PDE3A: variants seen among roughly 807,000 people sequenced by gnomAD.
The protein encoded by PDE3A is phosphodiesterase 3A, also known as cGMP-inhibited 3',5'-cyclic phosphodiesterase 3A.
Under a neutral mutation model 98.3 loss-of-function variants are expected in PDE3A, and 43 were observed. The ratio of observed to expected loss-of-function variants is 0.44; its 90% CI spans 0.34 to 0.56. The LOEUF is 0.56. Among genes scored for constraint, PDE3A ranks in the 20% least tolerant of loss-of-function variants. The pLI is 0.01. For missense variants in PDE3A, 1,427 were observed against 1,440.7 expected (o/e 0.99, Z 0.15); for synonymous variants, 663 against 567.9 (o/e 1.17, Z -2.38).
Position 20,485,985 on chromosome 12 carries a change from G to A in PDE3A, c.961-70675G>A, listed in dbSNP as rs180755297. Among the ~76,000 whole-genome samples the A allele has an allele frequency of 2.6e-5, 4 of 152,260 alleles. No individual in the cohort carries two copies. The East Asian group carries it at 7.7e-4, about 29-fold the overall frequency. On this transcript the variant is annotated intron_variant, in intron 1 of 15. Coordinates refer to ENST00000359062, the MANE Select transcript of PDE3A (RefSeq NM_000921.5). ...TTTGGATGCCACGGCTTGAGGTTTTGTTAATATTTTAGTGTTTCTCCTAAT... is the reference window on the plus strand; with the variant it reads ...TTTGGATGCCACGGCTTGAGGTTTTATTAATATTTTAGTGTTTCTCCTAAT...
intron 7 of PDE3A, 25 bp from the exon 8 acceptor site, chr12:20,634,877 A>T: frequency 6.3e-7 from 1 of 1,583,776 alleles, no homozygotes; most frequent in Non-Finnish European, 8.7e-7. Flanking sequence ...AGATCTTGTA[A>T]TAAGTTGTTC....
At chr12:20,551,408 C>A (rs1202102678) in intron 1 of PDE3A, among the ~76,000 whole-genome samples, 2 of 151,810 alleles carry the variant, frequency 1.3e-5, no homozygotes, top group African/African-American at 2.4e-5. Context: ...AAAAAAAAGT[C>A]TTTAAAAAAA....
chr12:20,400,048 C>T (rs775475032), intron 1 of PDE3A, among the ~76,000 whole-genome samples: 3 of 152,110 alleles, frequency 2.0e-5, no homozygotes, highest in Non-Finnish European at 4.4e-5. Context: ...TCCATTAGCC[C>T]TGTCGTGTTT....
At chr12:20,444,243 A>G (rs1944916955) in intron 1 of PDE3A, among the ~76,000 whole-genome samples, 1 of 151,986 alleles carries the variant, frequency 6.6e-6, no homozygotes, top group Admixed American at 6.6e-5. Context: ...TGCTTTCTTT[A>G]TCCCTGCTCT....
At position 20,682,450 on chromosome 12, in the gene PDE3A, G is replaced by A. The variant is rs1269331437; in HGVS notation, c.*2179G>A. The A allele has an allele frequency of 2.0e-5, 3 of 152,052 alleles. No individual in the cohort carries two copies. Among genetic ancestry groups the A allele is most frequent in the Non-Finnish European group, 2.9e-5 (2 of 67,996 alleles). 9.4% of individuals were successfully genotyped at this position (152,052 alleles called of 1,614,324 possible). A position where few individuals can be genotyped will look rare whatever the true frequency, so the allele number is the denominator to read the frequency against. ...AATTCATGGCATTTTAAAAAATAAG[G>A]CAAAGATAATACGACAAAAAATATA... On this transcript the variant is annotated 3_prime_UTR_variant, in exon 16 of 16. Transcript: ENST00000359062.
intron 10 of PDE3A, among the ~76,000 whole-genome samples, chr12:20,643,515 T>C (rs1469680759): frequency 6.6e-6 from 1 of 152,176 alleles, no homozygotes; most frequent in African/African-American, 2.4e-5. Flanking sequence ...ACAGGACAGA[T>C]GGTTTTCTAT....
intron 1 of PDE3A, among the ~76,000 whole-genome samples, chr12:20,474,353 G>A (rs1945491828): frequency 6.6e-6 from 1 of 152,064 alleles, no homozygotes; most frequent in African/African-American, 2.4e-5. Flanking sequence ...TATATTGTGA[G>A]TGTTTTCTCG....
intron 1 of PDE3A, among the ~76,000 whole-genome samples, chr12:20,527,353 T>A (rs1163836341): frequency 6.6e-6 from 1 of 152,238 alleles, no homozygotes; most frequent in African/African-American, 2.4e-5. Flanking sequence ...GTATTTCTGA[T>A]CTTATAGTGA....
chr12:20,387,783 G>A (rs1033945640), intron 1 of PDE3A, among the ~76,000 whole-genome samples: 1 of 151,918 alleles, frequency 6.6e-6, no homozygotes, highest in Non-Finnish European at 1.5e-5. Context: ...TACTGCTTGG[G>A]AACAACAAAA....
intron 1 of PDE3A, among the ~76,000 whole-genome samples, chr12:20,437,147 A>G (rs1262452384): frequency 1.3e-5 from 2 of 152,022 alleles, no homozygotes; most frequent in Non-Finnish European, 2.9e-5. Context: ...CAAAGTTGAG[A>G]GTGTTGGATG....
chr12:20,667,860 C>G (rs4362189), intron 15 of PDE3A, among the ~76,000 whole-genome samples: 1 of 151,990 alleles, frequency 6.6e-6, no homozygotes, highest in East Asian at 1.9e-4. Flanking sequence ...GATGGCCGAA[C>G]AGGAACAGCT....
intron 2 of PDE3A, among the ~76,000 whole-genome samples, chr12:20,564,351 G>A (rs1942604735): frequency 6.6e-6 from 1 of 152,098 alleles, no homozygotes; most frequent in East Asian, 1.9e-4. Flanking sequence ...AATATTTAGT[G>A]ATTAATCTTG....
intron 1 of PDE3A, among the ~76,000 whole-genome samples, chr12:20,454,095 G>T (rs1945113984): frequency 6.6e-6 from 1 of 151,988 alleles, no homozygotes; most frequent in Non-Finnish European, 1.5e-5. Flanking sequence ...GCCGTCATCT[G>T]TCTCTGTGAT....
At chr12:20,373,692 G>A (rs10743366) in intron 1 of PDE3A, among the ~76,000 whole-genome samples, 78,057 of 151,912 alleles carry the variant, frequency 0.51, 20,961 homozygotes, top group East Asian at 0.82. Flanking sequence ...GACTGTCTCC[G>A]TTAATGCATT....
chr12:20,648,697 T>A lies in PDE3A; in HGVS notation c.2575T>A (p.Tyr859Asn). Residue 859 changes from tyrosine (Y) to asparagine (N), a missense_variant, in exon 13 of 16, where the codon TAT becomes AAT. Transcript: ENST00000359062. The stretch of plus-strand genomic sequence containing the variant: ...TGTCTTATTTGCCTAGGCGGTGCTA[T>A]ATAACGATCGTTCAGTTTTGGAGAA... ...VATSAPQAVL[Y>N]NDRSVLENHH... 6.2e-7 allele frequency: 1 copy of A among 1,606,802 alleles called. No homozygotes were observed.
intron 4 of PDE3A, among the ~76,000 whole-genome samples, chr12:20,620,465 G>A (rs1944106309): frequency 6.6e-6 from 1 of 152,018 alleles, no homozygotes; most frequent in Admixed American, 6.6e-5. Flanking sequence ...ACATTAGGAT[G>A]GAGTCTATTT....
chr12:20,536,143 A>C (rs995405080), intron 1 of PDE3A, among the ~76,000 whole-genome samples: 1 of 152,180 alleles, frequency 6.6e-6, no homozygotes, highest in African/African-American at 2.4e-5. Flanking sequence ...ATCATCATAC[A>C]TATACTTATC....
At chr12:20,491,748 A>T (rs764914320) in intron 1 of PDE3A, among the ~76,000 whole-genome samples, 4 of 152,166 alleles carry the variant, frequency 2.6e-5, no homozygotes, top group Non-Finnish European at 2.9e-5. Flanking sequence ...TGTAGTTAAG[A>T]TTGTCAAGTA....
rs144149111 is a variant in PDE3A, at chr12:20,604,314, C to T, written c.1012-9129C>T. Among the ~76,000 whole-genome samples, 7 of 152,210 alleles carry T rather than the reference C, an allele frequency of 4.6e-5. No homozygotes were observed. In the East Asian group the frequency reaches 5.8e-4, roughly 13 times the overall value. ...AATTTGAACAGAAGCAGTCTAACTT[C>T]GGTTCTTGCCTCCTTAAAGACCCCA... On this transcript the variant is annotated intron_variant, in intron 2 of 15. Transcript: ENST00000359062.
Sources: gnomAD v4.1 joint callset for allele counts (sites outside exome capture counted in the v4.1 genomes callset) on GRCh38, gnomAD v4.1.1 for gene constraint, MANE v1.5 for transcripts, NCBI Gene and HGNC (gene_info 2026-07-23, HGNC 2026-07-21) for gene names.